XKR6: variants seen among roughly 807,000 people sequenced by gnomAD.
XKR6 encodes XK-related protein 6.
Under a neutral mutation model 56.7 loss-of-function variants are expected in XKR6, and 22 were observed. The ratio of observed to expected loss-of-function variants is 0.39; its 90% CI spans 0.28 to 0.55. The LOEUF is 0.55. Among genes scored for constraint, XKR6 ranks in the 20% least tolerant of loss-of-function variants. XKR6 has a pLI of 0.66. For synonymous variants in XKR6, 524 were observed against 387.8 expected (o/e 1.35, Z -4.13); for missense variants, 852 against 889.0 (o/e 0.96, Z 0.53).
Position 10,919,015 on chromosome 8 carries a change from G to A in XKR6, c.961+5619C>T, listed in dbSNP as rs146346903. ...GACCTTCTTCAAAAGCAAGCCTGGC[G>A]GTGTGCTTTTCCTCTGCAGCCCCTC... On this transcript the variant is annotated intron_variant, in intron 2 of 2. Coordinates refer to ENST00000416569, the MANE Select transcript of XKR6 (RefSeq NM_173683.4). Among the ~76,000 whole-genome samples, 421 of 152,256 alleles carry A rather than the reference G, an allele frequency of 2.8e-3. 1 individual carries two copies. Among genetic ancestry groups the A allele is most frequent in the Middle Eastern group, 0.014 (4 of 294 alleles).
chr8:11,032,434 C>T (rs905714560), intron 1 of XKR6, among the ~76,000 whole-genome samples: 3 of 151,908 alleles, frequency 2.0e-5, no homozygotes, highest in Non-Finnish European at 4.4e-5. Flanking sequence ...CAAATTGGCC[C>T]GAGGCTCAGC....
chr8:10,945,829 G>A (rs141280456), intron 1 of XKR6, among the ~76,000 whole-genome samples: 202 of 152,256 alleles, frequency 1.3e-3, no homozygotes, highest in Middle Eastern at 6.8e-3. Context: ...TGGGGAACCC[G>A]AGAGCTGGGT....
At chr8:10,916,964 A>G (rs1215840503) in intron 2 of XKR6, among the ~76,000 whole-genome samples, 3 of 152,258 alleles carry the variant, frequency 2.0e-5, no homozygotes, top group Non-Finnish European at 1.5e-5. Context: ...CTGAAGAGAC[A>G]CAAAGATCCC....
rs1264026472 is a variant in XKR6, at chr8:10,975,292, G to A, written c.765-50462C>T. Among the ~76,000 whole-genome samples the A allele has an allele frequency of 2.6e-5, 4 of 152,216 alleles. No individual in the cohort carries two copies. The East Asian group carries it at 5.8e-4, about 22-fold the overall frequency. On this transcript the variant is annotated intron_variant, in intron 1 of 2. Coordinates refer to ENST00000416569, the MANE Select transcript of XKR6 (RefSeq NM_173683.4). Reference sequence around the variant, plus strand: ...TGCTCCCCCATCACCCAGCCTTCAGGAGGCTTCGAGCGACTTCTCCAAGCA... The same window carrying A: ...TGCTCCCCCATCACCCAGCCTTCAGAAGGCTTCGAGCGACTTCTCCAAGCA...
intron 1 of XKR6, among the ~76,000 whole-genome samples, chr8:11,084,228 C>T (rs56841778): frequency 0.018 from 2,810 of 152,336 alleles, 96 homozygotes; most frequent in African/African-American, 0.064. Flanking sequence ...ACTTCAACCA[C>T]TGATATCTAC....
intron 1 of XKR6, among the ~76,000 whole-genome samples, chr8:11,143,288 G>T (rs1377568948): frequency 6.6e-6 from 1 of 152,202 alleles, no homozygotes. Context: ...TACTGTGCCT[G>T]TGAATAGCCT....
chr8:11,199,584 G>A (rs571341141), intron 1 of XKR6, among the ~76,000 whole-genome samples: 2 of 152,136 alleles, frequency 1.3e-5, no homozygotes, highest in Non-Finnish European at 2.9e-5. Flanking sequence ...ACAACTCACT[G>A]TTTCCAGAAT....
At chr8:11,130,018 T>C (rs1800024173) in intron 1 of XKR6, among the ~76,000 whole-genome samples, 2 of 152,108 alleles carry the variant, frequency 1.3e-5, no homozygotes. Flanking sequence ...ACAGAGAAGA[T>C]CTGACAATAA....
chr8:10,977,958 G>A (rs1185990290), intron 1 of XKR6, among the ~76,000 whole-genome samples: 1 of 152,110 alleles, frequency 6.6e-6, no homozygotes, highest in Admixed American at 6.6e-5. Flanking sequence ...TTTTGGAGCA[G>A]AAACTGTCAC....
At chr8:10,946,575 T>C (rs1302690730) in intron 1 of XKR6, among the ~76,000 whole-genome samples, 1 of 152,102 alleles carries the variant, frequency 6.6e-6, no homozygotes, top group South Asian at 2.1e-4. Context: ...CCACGGGCTA[T>C]GCTGTCCCAC....
intron 1 of XKR6, among the ~76,000 whole-genome samples, chr8:10,989,032 C>G (rs1797928516): frequency 6.6e-6 from 1 of 152,212 alleles, no homozygotes; most frequent in African/African-American, 2.4e-5. Context: ...TGCCCATAGG[C>G]AAGCTACATG....
At chr8:10,981,453 C>T (rs1475084751) in intron 1 of XKR6, among the ~76,000 whole-genome samples, 1 of 152,166 alleles carries the variant, frequency 6.6e-6, no homozygotes, top group Non-Finnish European at 1.5e-5. Flanking sequence ...GGAGGACGAG[C>T]TTTGGAAAGA....
rs1803788159 is a variant in XKR6, at chr8:11,194,912, A to T, written c.764+5664T>A. ...TCTGGAAATACTATGCTGCATCCCC[A>T]GTTGCAATTTCGCTCCAAAGCATGC... On this transcript the variant is annotated intron_variant, in intron 1 of 2. Transcript: ENST00000416569. 2.8e-5 allele frequency: 15 copies of T among 535,260 alleles called. No homozygotes were observed. In the South Asian group the frequency reaches 3.6e-4, roughly 13 times the overall value. 33.2% of individuals were successfully genotyped at this position (535,260 alleles called of 1,614,324 possible).
chr8:11,000,885 C>G (rs894930519), intron 1 of XKR6, among the ~76,000 whole-genome samples: 1 of 152,146 alleles, frequency 6.6e-6, no homozygotes, highest in African/African-American at 2.4e-5. Flanking sequence ...TTTCTGGACA[C>G]GTGGTCCAGA....
chr8:11,023,959 A>AT (rs1288800126), intron 1 of XKR6, among the ~76,000 whole-genome samples: 1 of 152,180 alleles, frequency 6.6e-6, no homozygotes, highest in African/African-American at 2.4e-5. Context: ...GGGTGGGGGA[A>AT]TTGTGGCTGC....
In XKR6 at chr8:11,082,302, T is replaced by C. The variant is rs1370220730; in HGVS notation, c.764+118274A>G. 3.3e-5 allele frequency among the ~76,000 whole-genome samples: 5 copies of C among 152,300 alleles called. No homozygotes were observed. The East Asian group carries it at 7.7e-4, about 24-fold the overall frequency. On this transcript the variant is annotated intron_variant, in intron 1 of 2. Coordinates refer to ENST00000416569, the MANE Select transcript of XKR6 (RefSeq NM_173683.4). ...CCCAAAGTCTACGTGGGGCTCAATA[T>C]CATGTGCAATCACTTTGCACCCCGT...
rs1168414868 is a variant in XKR6 at position 10,896,564 on chromosome 8, C to G, written c.*1388G>C. On this transcript the variant is annotated 3_prime_UTR_variant, in exon 3 of 3. Transcript: ENST00000416569. ...TGTGCTATGGGCACACACACACATACACACACAAACACACACATACTACAC... is the reference window on the plus strand; with the variant it reads ...TGTGCTATGGGCACACACACACATAGACACACAAACACACACATACTACAC... The G allele has an allele frequency of 6.6e-6, 1 of 152,620 alleles. No homozygotes were observed. The highest frequency in any genetic ancestry group is 2.4e-5 in the African/African-American group (1 of 41,430). 9.5% of individuals were successfully genotyped at this position (152,620 alleles called of 1,614,324 possible). A position where few individuals can be genotyped will look rare whatever the true frequency, so the allele number is the denominator to read the frequency against.
intron 2 of XKR6, among the ~76,000 whole-genome samples, chr8:10,921,530 A>C (rs1240834573): frequency 6.6e-6 from 1 of 152,196 alleles, no homozygotes; most frequent in Non-Finnish European, 1.5e-5. Context: ...TCTCTTGTGC[A>C]TTATATCATT....
At chr8:11,091,603 T>C (rs928196588) in intron 1 of XKR6, among the ~76,000 whole-genome samples, 4 of 151,956 alleles carry the variant, frequency 2.6e-5, no homozygotes, top group Admixed American at 2.6e-4. Context: ...GATGCAGGAA[T>C]AGGGGAGGAG....
Sources: allele counts gnomAD v4.1 joint callset (sites outside exome capture counted in the v4.1 genomes callset), GRCh38; gene constraint gnomAD v4.1.1; transcripts MANE v1.5; gene names NCBI Gene and HGNC (gene_info 2026-07-23, HGNC 2026-07-21).